Variants in GLT8D2 observed in about 807,000 individuals in gnomAD.
GLT8D2 encodes glycosyltransferase 8 domain containing 2.
Under a neutral mutation model 44.5 loss-of-function variants are expected in GLT8D2, and 45 were observed. The ratio of observed to expected loss-of-function variants is 1.01; its 90% CI spans 0.80 to 1.30. GLT8D2 has a LOEUF of 1.30. Among genes scored for constraint, GLT8D2 ranks in the 50% most tolerant of loss-of-function variants. The pLI, the probability that GLT8D2 is intolerant of heterozygous loss-of-function variation, is 0.00. For missense variants in GLT8D2, 400 were observed against 430.4 expected (o/e 0.93, Z 0.62); for synonymous variants, 156 against 157.2 (o/e 0.99, Z 0.06).
At chr12:104,016,859 A>AAGGAAGG (rs1160052558) in intron 3 of GLT8D2, among the ~76,000 whole-genome samples, 1 of 151,016 alleles carries the variant, frequency 6.6e-6, no homozygotes, top group African/African-American at 2.4e-5. Flanking sequence ...AGAAAGAAAG[A>AAGGAAGG]AAGAAAGAAA....
chr12:104,038,078 T>C (rs1451594919), intron 1 of GLT8D2, among the ~76,000 whole-genome samples: 1 of 152,206 alleles, frequency 6.6e-6, no homozygotes, highest in Non-Finnish European at 1.5e-5. Context: ...GAAAAGGCCT[T>C]CCACAAAATT....
intron 2 of GLT8D2, among the ~76,000 whole-genome samples, 182 bp downstream of exon 2, chr12:104,021,175 C>A (rs1184854230): frequency 6.6e-6 from 1 of 152,134 alleles, no homozygotes. Context: ...TGGCAGAGTT[C>A]CCCCCTCAGG....
intron 1 of GLT8D2, among the ~76,000 whole-genome samples, chr12:104,033,238 G>A (rs1379818202): frequency 6.6e-6 from 1 of 151,808 alleles, no homozygotes; most frequent in African/African-American, 2.4e-5. Flanking sequence ...ATAAATGGAT[G>A]AGTGGATAAA....
At chr12:104,009,223 C>T (rs1183578656) in intron 4 of GLT8D2, among the ~76,000 whole-genome samples, 1 of 152,240 alleles carries the variant, frequency 6.6e-6, no homozygotes, top group Non-Finnish European at 1.5e-5. Flanking sequence ...GAGGCTGTAT[C>T]CTGCAAAGCC....
intron 1 of GLT8D2, among the ~76,000 whole-genome samples, chr12:104,044,981 TCC>T (rs1375330924): frequency 2.6e-5 from 4 of 152,170 alleles, no homozygotes; most frequent in Non-Finnish European, 1.5e-5. Context: ...ATGACACTTC[TCC>T]CCCTAAATAT....
intron 6 of GLT8D2, among the ~76,000 whole-genome samples, 163 bp from the exon 7 acceptor site, chr12:103,997,698 C>T (rs1780264772): frequency 6.6e-6 from 1 of 151,996 alleles, no homozygotes; most frequent in Non-Finnish European, 1.5e-5. Flanking sequence ...CTTCCCAGTG[C>T]CCAACTTATC....
chr12:104,004,709 C>T (rs1328374792), intron 4 of GLT8D2, among the ~76,000 whole-genome samples: 1 of 152,142 alleles, frequency 6.6e-6, no homozygotes, highest in Non-Finnish European at 1.5e-5. Flanking sequence ...AACTACAAAC[C>T]ACTGCCTCAT....
chr12:104,032,710 G>A (rs1296918325), intron 1 of GLT8D2, among the ~76,000 whole-genome samples: 1 of 152,112 alleles, frequency 6.6e-6, no homozygotes, highest in Non-Finnish European at 1.5e-5. Context: ...TACATTGCTA[G>A]TGGGAATGTA....
chr12:104,047,704 C>T (rs1169344126), intron 1 of GLT8D2, among the ~76,000 whole-genome samples: 1 of 152,178 alleles, frequency 6.6e-6, no homozygotes, highest in Non-Finnish European at 1.5e-5. Context: ...AGTAGCATCA[C>T]CTTGGGGGTT....
chr12:104,022,026 G>A (rs1160260229), intron 1 of GLT8D2, among the ~76,000 whole-genome samples: 6 of 93,820 alleles, frequency 6.4e-5, no homozygotes, highest in African/African-American at 9.4e-5. Flanking sequence ...AGAAGAAAAA[G>A]AAGAAGAAGA....
rs142398277 is a variant in GLT8D2, at chr12:104,043,774, C to T, written c.-164+6121G>A. ...GAGCCACTGTGCCCGGCTGTGACTCCGTTTTTTAAATTGCTCCACAAAAAA... is the reference window on the plus strand; with the variant it reads ...GAGCCACTGTGCCCGGCTGTGACTCTGTTTTTTAAATTGCTCCACAAAAAA... On this transcript the variant is annotated intron_variant, in intron 1 of 10. Coordinates refer to ENST00000360814, the MANE Select transcript of GLT8D2 (RefSeq NM_001384711.1). Among the ~76,000 whole-genome samples, 368 of 152,222 alleles carry T rather than the reference C, an allele frequency of 2.4e-3. 4 individuals carry two copies. The highest frequency in any genetic ancestry group is 8.1e-3 in the African/African-American group (336 of 41,536).
chr12:104,010,858 T>C (rs1406421404), intron 4 of GLT8D2, among the ~76,000 whole-genome samples: 1 of 151,948 alleles, frequency 6.6e-6, no homozygotes, highest in Non-Finnish European at 1.5e-5. Flanking sequence ...ACAGGGCCCT[T>C]GAGGAATAAG....
At chr12:103,998,508 C>T (rs1222941839) in intron 6 of GLT8D2, among the ~76,000 whole-genome samples, 3 of 152,110 alleles carry the variant, frequency 2.0e-5, no homozygotes, top group African/African-American at 7.2e-5. Flanking sequence ...CTCCCGGGTT[C>T]AAGCGATTAT....
At chr12:103,992,824 A>G (rs1872929825) in intron 10 of GLT8D2, among the ~76,000 whole-genome samples, 1 of 152,136 alleles carries the variant, frequency 6.6e-6, no homozygotes. Context: ...CATGTTTACT[A>G]AGCACATACT....
chr12:103,995,241 T>C (rs952224531), intron 8 of GLT8D2, among the ~76,000 whole-genome samples: 1 of 152,126 alleles, frequency 6.6e-6, no homozygotes, highest in African/African-American at 2.4e-5. Context: ...GCTCCTCCAA[T>C]AGCTTCCCAT....
At chr12:104,034,292 A>G (rs1245797174) in intron 1 of GLT8D2, among the ~76,000 whole-genome samples, 1 of 152,198 alleles carries the variant, frequency 6.6e-6, no homozygotes, top group Non-Finnish European at 1.5e-5. Context: ...GACTGGTTGG[A>G]CAGTGGGTGC....
chr12:104,019,137 T>TTTTTTTTTG (rs1877294149), intron 3 of GLT8D2, among the ~76,000 whole-genome samples: 1 of 99,678 alleles, frequency 1.0e-5, no homozygotes, highest in African/African-American at 3.9e-5. Context: ...TTTTTTTTTT[T>TTTTTTTTTG]GTGTGTTTGA....
At chr12:104,052,046 C>T (rs1222533566), upstream of GLT8D2, among the ~76,000 whole-genome samples, 1 of 151,994 alleles carries the variant, frequency 6.6e-6, no homozygotes, top group African/African-American at 2.4e-5. Flanking sequence ...ATTCACGAGT[C>T]CAGGTTGGTC....
At chr12:104,024,206 A>G (rs533311502) in intron 1 of GLT8D2, among the ~76,000 whole-genome samples, 2 of 152,116 alleles carry the variant, frequency 1.3e-5, no homozygotes, top group Non-Finnish European at 2.9e-5. Context: ...ACATAGTGAG[A>G]CCCCTGTCTG....
Sources: allele counts gnomAD v4.1 joint callset (sites outside exome capture counted in the v4.1 genomes callset), GRCh38; gene constraint gnomAD v4.1.1; transcripts MANE v1.5; gene names NCBI Gene and HGNC (gene_info 2026-07-23, HGNC 2026-07-21).